The following SH3YL1 variants were observed in gnomAD, a reference collection of about 807,000 sequenced individuals.
SH3YL1 encodes the protein SH3 domain-containing YSC84-like protein 1.
In SH3YL1, 41 loss-of-function variants were observed where a neutral mutation model predicts 45.8. The observed-to-expected ratio is 0.89, with a 90% CI of 0.70 to 1.16. The LOEUF is 1.16. SH3YL1 is among the 50% of genes most tolerant of loss of function. The pLI is 0.00. For synonymous variants in SH3YL1, 152 were observed against 151.4 expected (o/e 1.00, Z -0.03); for missense variants, 389 against 409.6 (o/e 0.95, Z 0.43).
chr2:240,627 A>G (rs1271927649), intron 4 of SH3YL1: 2 of 152,222 alleles, frequency 1.3e-5, no homozygotes, highest in Non-Finnish European at 2.9e-5. Context: ...GCACAATTTT[A>G]ACTGGATCAA....
At chr2:262,241 G>A (rs1669613578) in intron 1 of SH3YL1, 1 of 157,408 alleles carries the variant, frequency 6.4e-6, no homozygotes, top group Non-Finnish European at 1.4e-5. Flanking sequence ...TTGTTTTAAG[G>A]ACACAAAGCT....
At chr2:255,638 T>A (rs1254845315) in intron 1 of SH3YL1, among the ~76,000 whole-genome samples, 4 of 152,142 alleles carry the variant, frequency 2.6e-5, no homozygotes, top group Non-Finnish European at 4.4e-5. Flanking sequence ...TGACTTAGGG[T>A]CATTTTGGAG....
chr2:255,277 A>G (rs1669267741), intron 1 of SH3YL1, among the ~76,000 whole-genome samples: 1 of 152,224 alleles, frequency 6.6e-6, no homozygotes, highest in African/African-American at 2.4e-5. Flanking sequence ...AATGTGATAT[A>G]TTTTGGTGCC....
chr2:259,987 A>G (rs967563086), intron 1 of SH3YL1: 1 of 152,136 alleles, frequency 6.6e-6, no homozygotes, highest in African/African-American at 2.4e-5. Context: ...CATGATCAGC[A>G]ATTATTTGTA....
chr2:258,733 GTTGT>G (rs2103059220), intron 1 of SH3YL1, among the ~76,000 whole-genome samples: 1 of 152,224 alleles, frequency 6.6e-6, no homozygotes, highest in South Asian at 2.1e-4. Flanking sequence ...GGGTGCCCTG[GTTGT>G]TTAATAAGCT....
rs114373738 is a variant in SH3YL1 at position 257,763 on chromosome 2, A to C, written c.2-4648T>G. ...ATTCATTGCTCAATTAAACTCCTTA[A>C]AATTTAATTTGGCTTAAGTTTTTAA... On this transcript the variant is annotated intron_variant, in intron 1 of 9. Coordinates refer to ENST00000356150, the MANE Select transcript of SH3YL1 (RefSeq NM_015677.4). Among the ~76,000 whole-genome samples, 311 of 152,320 alleles carry C rather than the reference A, an allele frequency of 2.0e-3. 1 individual carries two copies. Among genetic ancestry groups the C allele is most frequent in the African/African-American group, 7.3e-3 (303 of 41,558 alleles).
intron 9 of SH3YL1, chr2:222,372 C>A (rs953185674): frequency 3.9e-5 from 6 of 152,338 alleles, no homozygotes; most frequent in Admixed American, 1.3e-4. Flanking sequence ...GCAGCCAGCA[C>A]CCCTGGCCTG....
rs189791731 is a variant in SH3YL1 at position 222,145 on chromosome 2, G to A, written c.838+2719C>T. 5.6e-3 allele frequency among the ~76,000 whole-genome samples: 853 copies of A among 152,250 alleles called. 29 individuals are homozygous for A. Among genetic ancestry groups the A allele is most frequent in the Admixed American group, 0.049 (754 of 15,304 alleles). ...CTTATACTCATGTACTTAAAAAATC[G>A]GAAGGATCTTTGAGGGAATTGGCCA... On this transcript the variant is annotated intron_variant, in intron 9 of 9. Transcript: ENST00000356150.
intron 1 of SH3YL1, among the ~76,000 whole-genome samples, chr2:258,036 T>C (rs779115778): frequency 6.6e-6 from 1 of 152,224 alleles, no homozygotes; most frequent in African/African-American, 2.4e-5. Context: ...ACCATTACCA[T>C]GCTGTTTTCA....
chr2:264,531 GT>G (rs1308209012), upstream of SH3YL1: 8 of 188,646 alleles, frequency 4.2e-5, no homozygotes, highest in African/African-American at 1.7e-4. Context: ...TCCCCTATAG[GT>G]AACCTTTACC....
chr2:228,011 A>T (rs1667859981), intron 8 of SH3YL1, among the ~76,000 whole-genome samples: 1 of 152,190 alleles, frequency 6.6e-6, no homozygotes, highest in Non-Finnish European at 1.5e-5. Context: ...CTAGTTTTAA[A>T]TTTTTAGTTT....
intron 4 of SH3YL1, among the ~76,000 whole-genome samples, chr2:238,259 T>TGTGTGTG (rs1668391406): frequency 8.5e-5 from 12 of 141,952 alleles, no homozygotes; most frequent in African/African-American, 3.2e-4. Flanking sequence ...TCCTCCCTCC[T>TGTGTGTG]TGTGTGTGTG....
At chr2:263,253 C>T (rs1669668488) in intron 1 of SH3YL1, 1 of 155,172 alleles carries the variant, frequency 6.4e-6, no homozygotes, top group Admixed American at 6.3e-5. Flanking sequence ...CTTTCCAACT[C>T]AGCCTCCACA....
chr2:224,871 C>G lies in SH3YL1; in HGVS notation c.831G>C (p.Glu277Asp). The change falls in exon 9 of 10, where the codon GAG (glutamate) becomes GAC (aspartate). Residue 277 changes from glutamate to aspartate, a missense_variant. Coordinates refer to ENST00000356150, the MANE Select transcript of SH3YL1 (RefSeq NM_015677.4). ...KLYPGLSSYHERVGNLNQPIE... is the reference protein window; with the variant it reads ...KLYPGLSSYHDRVGNLNQPIE... ...ATAGATTTACTGATTTACCAACTCTCTCATGATAGCTGGAAAGTCCAGGAT... is the reference window on the plus strand; with the variant it reads ...ATAGATTTACTGATTTACCAACTCTGTCATGATAGCTGGAAAGTCCAGGAT... 1 of 1,606,092 alleles carries G rather than the reference C, an allele frequency of 6.2e-7. No individual in the cohort carries two copies. Among genetic ancestry groups the G allele is most frequent in the South Asian group, 1.1e-5 (1 of 90,880 alleles).
chr2:253,680 G>A (rs1669180914), intron 1 of SH3YL1, among the ~76,000 whole-genome samples: 2 of 152,170 alleles, frequency 1.3e-5, no homozygotes, highest in Middle Eastern at 3.2e-3. Flanking sequence ...AGCAGCCCAT[G>A]CCACTACTCC....
At chr2:257,806 A>C (rs1004385527) in intron 1 of SH3YL1, among the ~76,000 whole-genome samples, 3 of 152,196 alleles carry the variant, frequency 2.0e-5, no homozygotes, top group African/African-American at 7.2e-5. Context: ...CAAGTCTTTA[A>C]TCCATCTTGA....
At chr2:220,070 G>A (rs1055846994) in intron 9 of SH3YL1, among the ~76,000 whole-genome samples, 1 of 151,188 alleles carries the variant, frequency 6.6e-6, no homozygotes. Context: ...GCTACATGGA[G>A]TCTGATGCTT....
chr2:220,853 A>C (rs1222930768), intron 9 of SH3YL1, among the ~76,000 whole-genome samples: 2 of 152,262 alleles, frequency 1.3e-5, no homozygotes, highest in Admixed American at 6.5e-5. Context: ...AATAGGAAGA[A>C]GTGAATTAAA....
In SH3YL1 at chr2:231,130, G is replaced by A; in HGVS notation, c.595C>T (p.Gln199Ter). The A allele has an allele frequency of 1.2e-6, 2 of 1,614,002 alleles. No individual in the cohort carries two copies. Among genetic ancestry groups the A allele is most frequent in the Non-Finnish European group, 1.7e-6 (2 of 1,179,936 alleles). Residue 199 changes from glutamine to a stop codon, truncating the protein, a stop_gained, in exon 7 of 10, where the codon CAA becomes TAA. Coordinates refer to ENST00000356150, the MANE Select transcript of SH3YL1 (RefSeq NM_015677.4). LOFTEE classifies it high-confidence loss of function. The part of the protein sequence containing the change: ...ILFGDTPRPA[Q>*]AEDLYEILDS... The stretch of plus-strand genomic sequence containing the variant: ...AGAATTTCATAAAGATCTTCGGCTT[G>A]AGCAGGCCGCGGTGTATCTCCAAAT...
Sources: gnomAD v4.1 joint callset for allele counts (sites outside exome capture counted in the v4.1 genomes callset) on GRCh38, gnomAD v4.1.1 for gene constraint, MANE v1.5 for transcripts, NCBI Gene and HGNC (gene_info 2026-07-23, HGNC 2026-07-21) for gene names.